Variants in TEAD4 observed in about 807,000 individuals in gnomAD.
TEAD4 encodes TEA domain transcription factor 4, also known as transcriptional enhancer factor TEF-3.
Under a neutral mutation model 52.4 loss-of-function variants are expected in TEAD4, and 36 were observed. The ratio of observed to expected loss-of-function variants is 0.69; its 90% confidence interval spans 0.53 to 0.91. The LOEUF (loss-of-function observed/expected upper bound fraction) is 0.91. TEAD4 is among the 40% of genes least tolerant of loss of function. The pLI is 0.00. For missense variants in TEAD4, 508 were observed against 583.9 expected (o/e 0.87, Z 1.34); for synonymous variants, 220 against 231.0 (o/e 0.95, Z 0.43).
At chr12:2,973,390 GAT>G (rs1185942570) in intron 2 of TEAD4, among the ~76,000 whole-genome samples, 1 of 152,174 alleles carries the variant, frequency 6.6e-6, no homozygotes, top group Non-Finnish European at 1.5e-5. Context: ...TCATATTCTG[GAT>G]ACAGGTTCTT....
chr12:2,963,197 G>A (rs1434218869), intron 2 of TEAD4, among the ~76,000 whole-genome samples: 4 of 152,198 alleles, frequency 2.6e-5, no homozygotes, highest in African/African-American at 9.7e-5. Flanking sequence ...CTCCTGGGTT[G>A]CAAATGTCAC....
intron 2 of TEAD4, among the ~76,000 whole-genome samples, chr12:2,984,273 C>T (rs2098236326): frequency 6.6e-6 from 1 of 152,146 alleles, no homozygotes; most frequent in Non-Finnish European, 1.5e-5. Context: ...AAAGAAAAGG[C>T]ATTGAAAATT....
intron 2 of TEAD4, among the ~76,000 whole-genome samples, chr12:2,971,551 C>T (rs2098225028): frequency 6.6e-6 from 1 of 151,962 alleles, no homozygotes; most frequent in South Asian, 2.1e-4. Context: ...TCTCGGCTCA[C>T]TGCAAGCTCC....
At chr12:3,015,465 G>T (rs1217019244) in intron 5 of TEAD4, among the ~76,000 whole-genome samples, 1 of 152,258 alleles carries the variant, frequency 6.6e-6, no homozygotes, top group Non-Finnish European at 1.5e-5. Context: ...GAGAGGATGA[G>T]TGGAAGGGCC....
At position 3,040,103 on chromosome 12, in the gene TEAD4, G is replaced by A. The variant is rs375961432; in HGVS notation, c.1039-4G>A. 6.2e-6 allele frequency: 10 copies of A among 1,613,936 alleles called. No individual in the cohort carries two copies. The African/African-American group carries it at 9.3e-5, about 15-fold the overall frequency. On this transcript the variant is annotated splice_polypyrimidine_tract_variant and splice_region_variant and intron_variant, in intron 11 of 12. Transcript: ENST00000359864. ...TAAGCCCCTGCTCTCCCCGGGTCCT[G>A]CAGACAGAGTATGCTCGCTATGAGA...
intron 2 of TEAD4, among the ~76,000 whole-genome samples, chr12:2,981,328 C>A (rs373086366): frequency 2.6e-4 from 39 of 152,360 alleles, no homozygotes; most frequent in African/African-American, 8.4e-4. Flanking sequence ...GGTCCCCTGG[C>A]CTCCTCCCTT....
In TEAD4 at chr12:3,020,670, C is replaced by T. The variant is rs756972096; in HGVS notation, c.620C>T (p.Ser207Phe). The change falls in exon 9 of 13, where the codon TCT (serine) becomes TTT (phenylalanine). Residue 207 changes from serine (S) to phenylalanine (F), a missense_variant. Coordinates refer to ENST00000359864, the MANE Select transcript of TEAD4 (RefSeq NM_003213.4). ...CCTGCAGGGCCCGCCCCATCGCCCTCTGCGCCCCCGGCACCCCCATGGCAG... is the reference window on the plus strand; with the variant it reads ...CCTGCAGGGCCCGCCCCATCGCCCTTTGCGCCCCCGGCACCCCCATGGCAG... 9.4e-6 allele frequency: 15 copies of T among 1,603,796 alleles called. No homozygotes were observed. The highest frequency in any genetic ancestry group is 8.0e-5 in the African/African-American group (6 of 74,668).
intron 3 of TEAD4, among the ~76,000 whole-genome samples, chr12:2,996,307 C>G (rs930265969): frequency 5.3e-5 from 8 of 152,292 alleles, no homozygotes; most frequent in African/African-American, 1.9e-4. Flanking sequence ...CTCGGCTTCC[C>G]CAGGGTCGCC....
chr12:3,032,336 A>G, intron 10 of TEAD4, among the ~76,000 whole-genome samples: 1 of 152,064 alleles, frequency 6.6e-6, no homozygotes, highest in Non-Finnish European at 1.5e-5. Flanking sequence ...GTACGGACCC[A>G]GCGCGGCCCT....
At chr12:2,973,831 T>C (rs1356029486) in intron 2 of TEAD4, among the ~76,000 whole-genome samples, 2 of 152,070 alleles carry the variant, frequency 1.3e-5, no homozygotes, top group Non-Finnish European at 2.9e-5. Context: ...CCAAACCGGA[T>C]GATCGTGCCT....
chr12:3,004,583 G>A lies in TEAD4; in HGVS notation c.227-6421G>A, dbSNP rs73044507. 2.2e-3 allele frequency among the ~76,000 whole-genome samples: 339 copies of A among 152,314 alleles called. 2 individuals carry two copies. Among genetic ancestry groups the A allele is most frequent in the Non-Finnish European group, 4.3e-3 (290 of 68,036 alleles). On this transcript the variant is annotated intron_variant, in intron 3 of 12. Coordinates refer to ENST00000359864, the MANE Select transcript of TEAD4 (RefSeq NM_003213.4). ...GCCACATGCTTGCCTACGACCCTGA[G>A]AAGATTTCTCAACCTTGCTGTTTCC...
At chr12:3,039,727 G>A (rs1388003707) in intron 11 of TEAD4, among the ~76,000 whole-genome samples, 3 of 152,156 alleles carry the variant, frequency 2.0e-5, no homozygotes, top group Non-Finnish European at 2.9e-5. Flanking sequence ...TCACTCTGTC[G>A]CCCAGGCTGG....
intron 3 of TEAD4, among the ~76,000 whole-genome samples, chr12:3,005,320 G>A (rs2098254967): frequency 7.0e-6 from 1 of 143,850 alleles, no homozygotes; most frequent in Non-Finnish European, 1.5e-5. Context: ...TTTAGACAAG[G>A]TCTTACTCTC....
chr12:2,972,738 T>C (rs2098226315), intron 2 of TEAD4, among the ~76,000 whole-genome samples: 1 of 151,932 alleles, frequency 6.6e-6, no homozygotes. Flanking sequence ...TGACCTCAGG[T>C]GATCCGCCCG....
chr12:2,987,411 TTTTTGTTTG>T (rs1190490916), intron 2 of TEAD4, among the ~76,000 whole-genome samples: 6 of 95,690 alleles, frequency 6.3e-5, no homozygotes, highest in South Asian at 1.0e-3. Context: ...CAGCTTGTTT[TTTTTGTTTG>T]TTTTGTTTTG....
chr12:3,015,182 A>G (rs1340966233), intron 5 of TEAD4, among the ~76,000 whole-genome samples: 1 of 152,060 alleles, frequency 6.6e-6, no homozygotes, highest in African/African-American at 2.4e-5. Context: ...ACAATGACCC[A>G]CTACTCGGAA....
intron 2 of TEAD4, among the ~76,000 whole-genome samples, chr12:2,962,218 G>C (rs962693905): frequency 1.4e-5 from 2 of 146,956 alleles, no homozygotes; most frequent in African/African-American, 5.0e-5. Flanking sequence ...TCCGCCTCCT[G>C]GGTTCAAGCG....
At chr12:3,017,299 T>G in intron 5 of TEAD4, 99 bp from the exon 6 acceptor site, 1 of 1,527,760 alleles carries the variant, frequency 6.5e-7, no homozygotes, top group Middle Eastern at 1.7e-4. Flanking sequence ...CTCTGGCCAC[T>G]GGCAGCGAGA....
chr12:3,020,954 C>T (rs538027068), intron 9 of TEAD4, among the ~76,000 whole-genome samples, 181 bp downstream of exon 9: 1 of 152,308 alleles, frequency 6.6e-6, no homozygotes, highest in Admixed American at 6.5e-5. Context: ...CCTCTTCCCT[C>T]TTTCCCTCCT....
Sources: gnomAD v4.1 joint callset for allele counts (sites outside exome capture counted in the v4.1 genomes callset) on GRCh38, gnomAD v4.1.1 for gene constraint, MANE v1.5 for transcripts, NCBI Gene and HGNC (gene_info 2026-07-23, HGNC 2026-07-21) for gene names.